The following RNF6 variants were observed in gnomAD, a reference collection of about 807,000 sequenced individuals.
The protein encoded by RNF6 is ring finger protein 6.
In RNF6, 21 loss-of-function variants were observed where a neutral mutation model predicts 50.1. That is an observed-to-expected ratio of 0.42 (90% CI 0.30 to 0.60). The LOEUF is 0.60. Among genes scored for constraint, RNF6 ranks in the 20% least tolerant of loss-of-function variants. The pLI, the probability that RNF6 is intolerant of heterozygous loss-of-function variation, is 0.20. For synonymous variants in RNF6, 255 were observed against 291.8 expected, an observed-to-expected ratio of 0.87 and a Z score of 1.29; for missense variants, 698 against 838.2, an observed-to-expected ratio of 0.83 and a Z score of 2.07.
Position 26,214,120 on chromosome 13 carries a change from G to A in RNF6, c.1762C>T (p.Leu588Phe). 7 of 1,614,206 alleles carry A rather than the reference G, an allele frequency of 4.3e-6. No homozygotes were observed. The highest frequency in any genetic ancestry group is 5.9e-6 in the Non-Finnish European group (7 of 1,180,048). Reference protein sequence around the residue: ...VETGTLPILRLAHFFLLNESD... With the variant: ...VETGTLPILRFAHFFLLNESD... ...TCATTTAGTAAAAAAAAGTGAGCAA[G>A]GCGAAGAATGGGTAGTGTTCCAGTT... The change falls in exon 5 of 5, where the codon CTT (leucine) becomes TTT (phenylalanine). Residue 588 changes from leucine (L) to phenylalanine (F), a missense_variant. Coordinates refer to ENST00000381588, the MANE Select transcript of RNF6 (RefSeq NM_005977.4).
At chr13:26,138,340 C>T (rs1316590161) in intron 5 of RNF6, among the ~76,000 whole-genome samples, 3 of 152,012 alleles carry the variant, frequency 2.0e-5, no homozygotes, top group Non-Finnish European at 4.4e-5. Flanking sequence ...ACTTGCCCTA[C>T]AATAAATACT....
intron 5 of RNF6, among the ~76,000 whole-genome samples, chr13:26,199,184 A>G (rs1254084440): frequency 1.3e-5 from 2 of 150,030 alleles, no homozygotes; most frequent in African/African-American, 5.1e-5. Flanking sequence ...GTAGAATGAC[A>G]TAAGAATGAC....
chr13:26,216,120 C>G (rs1869848233), intron 4 of RNF6, among the ~76,000 whole-genome samples: 1 of 152,140 alleles, frequency 6.6e-6, no homozygotes, highest in African/African-American at 2.4e-5. Flanking sequence ...ATGTGAGTTT[C>G]TGAATATAAC....
At chr13:26,199,013 A>G (rs990912195) in intron 5 of RNF6, among the ~76,000 whole-genome samples, 1 of 151,892 alleles carries the variant, frequency 6.6e-6, no homozygotes, top group Non-Finnish European at 1.5e-5. Context: ...CCATATTGAT[A>G]GGTTAGAAGA....
At chr13:26,202,324 A>G (rs1250985828) in intron 5 of RNF6, among the ~76,000 whole-genome samples, 1 of 152,216 alleles carries the variant, frequency 6.6e-6, no homozygotes, top group Admixed American at 6.5e-5. Context: ...GCCAGTTATT[A>G]TTCTTAGCAT....
chr13:26,182,849 A>G (rs1873306873), intron 5 of RNF6, among the ~76,000 whole-genome samples: 1 of 152,238 alleles, frequency 6.6e-6, no homozygotes, highest in Non-Finnish European at 1.5e-5. Flanking sequence ...TCTGATTACC[A>G]TACACAACTT....
intron 5 of RNF6, among the ~76,000 whole-genome samples, chr13:26,172,631 C>T (rs2137636812): frequency 6.6e-6 from 1 of 151,738 alleles, no homozygotes; most frequent in East Asian, 1.9e-4. Context: ...GAAAGCTCTG[C>T]CTGCCGGGTT....
At chr13:26,161,074 G>GA (rs1048774451) in intron 5 of RNF6, among the ~76,000 whole-genome samples, 1 of 151,628 alleles carries the variant, frequency 6.6e-6, no homozygotes. Flanking sequence ...GCCATAAAAA[G>GA]AAAAAAAAGT....
At chr13:26,182,974 G>A (rs376939143) in intron 5 of RNF6, among the ~76,000 whole-genome samples, 1 of 152,178 alleles carries the variant, frequency 6.6e-6, no homozygotes. Flanking sequence ...AAGAATTCTG[G>A]GAGATTTGTA....
intron 5 of RNF6, among the ~76,000 whole-genome samples, chr13:26,132,663 A>G (rs1870451584): frequency 6.6e-6 from 1 of 152,240 alleles, no homozygotes. Flanking sequence ...CTTTAATAAA[A>G]AGAAAAGAGG....
At chr13:26,177,185 A>G (rs894777018) in intron 5 of RNF6, among the ~76,000 whole-genome samples, 14 of 152,096 alleles carry the variant, frequency 9.2e-5, no homozygotes, top group Non-Finnish European at 1.2e-4. Context: ...GAACACATCT[A>G]TGATGGTTTA....
chr13:26,198,477 C>T (rs1171799937), intron 5 of RNF6, among the ~76,000 whole-genome samples: 2 of 151,848 alleles, frequency 1.3e-5, no homozygotes, highest in African/African-American at 4.9e-5. Flanking sequence ...AATAGCTGGG[C>T]ACTATGGCCC....
At chr13:26,194,202 A>G (rs1868569850) in intron 5 of RNF6, among the ~76,000 whole-genome samples, 1 of 152,198 alleles carries the variant, frequency 6.6e-6, no homozygotes, top group African/African-American at 2.4e-5. Flanking sequence ...AGAGAGTGTG[A>G]GCATCAAATT....
intron 4 of RNF6, among the ~76,000 whole-genome samples, chr13:26,217,570 T>C (rs1161273342): frequency 6.6e-6 from 1 of 152,242 alleles, no homozygotes; most frequent in East Asian, 1.9e-4. Flanking sequence ...TAGATATGGT[T>C]GCGACTTACC....
At chr13:26,178,591 C>CGTGTGTGTGTGTGTGT (rs3981342) in intron 5 of RNF6, among the ~76,000 whole-genome samples, 5 of 100,336 alleles carry the variant, frequency 5.0e-5, no homozygotes, top group East Asian at 3.9e-4. Context: ...CTGCCTGGTC[C>CGTGTGTGTGTGTGTGT]GTGTGTGTGT....
chr13:26,159,266 A>G (rs1872087635), intron 5 of RNF6, among the ~76,000 whole-genome samples: 1 of 152,212 alleles, frequency 6.6e-6, no homozygotes, highest in Admixed American at 6.5e-5. Flanking sequence ...GATCGAAATT[A>G]GATTATTTCA....
intron 5 of RNF6, among the ~76,000 whole-genome samples, chr13:26,155,623 A>T (rs1871877714): frequency 6.6e-6 from 1 of 152,232 alleles, no homozygotes; most frequent in Non-Finnish European, 1.5e-5. Context: ...AAGGCAAGCC[A>T]GAGCCTGCAC....
At chr13:26,164,056 T>C (rs370345417) in intron 5 of RNF6, among the ~76,000 whole-genome samples, 1 of 152,244 alleles carries the variant, frequency 6.6e-6, no homozygotes, top group Admixed American at 6.5e-5. Context: ...TCGATTTGTA[T>C]GTTTTAATCG....
chr13:26,196,050 C>G (rs139090182), intron 5 of RNF6, among the ~76,000 whole-genome samples: 1 of 152,154 alleles, frequency 6.6e-6, no homozygotes, highest in African/African-American at 2.4e-5. Flanking sequence ...GATAAAATGG[C>G]CAAAATTTTC....
Sources: allele counts gnomAD v4.1 joint callset (sites outside exome capture counted in the v4.1 genomes callset), GRCh38; gene constraint gnomAD v4.1.1; transcripts MANE v1.5; gene names NCBI Gene and HGNC (gene_info 2026-07-23, HGNC 2026-07-21).